The following POLN variants were observed in gnomAD, a reference collection of about 807,000 sequenced individuals.
The protein encoded by POLN is DNA polymerase N.
Under a neutral mutation model 113.5 loss-of-function variants are expected in POLN, and 108 were observed. The ratio of observed to expected loss-of-function variants is 0.95; its 90% CI spans 0.81 to 1.12. The LOEUF is 1.12. POLN is among the 50% of genes most tolerant of loss of function. The pLI is 0.00. For synonymous variants in POLN, 386 were observed against 391.5 expected (o/e 0.99, Z 0.17); for missense variants, 1,097 against 1,077.1 (o/e 1.02, Z -0.26).
At chr4:2,235,764 T>A (rs1018600060) in intron 2 of POLN, among the ~76,000 whole-genome samples, 1 of 152,196 alleles carries the variant, frequency 6.6e-6, no homozygotes, top group Non-Finnish European at 1.5e-5. Context: ...TATATGTGTG[T>A]ATGTGTGTGC....
intron 23 of POLN, chr4:2,080,258 C>T: frequency 2.0e-6 from 2 of 987,508 alleles, no homozygotes; most frequent in Non-Finnish European, 2.4e-6. Context: ...TGGGCGAGGG[C>T]TGCTTGTCCC....
At chr4:2,116,259 C>T (rs761577155) in intron 19 of POLN, among the ~76,000 whole-genome samples, 2 of 152,192 alleles carry the variant, frequency 1.3e-5, no homozygotes, top group African/African-American at 2.4e-5. Flanking sequence ...TCTGTCACAC[C>T]AACCCACATG....
At chr4:2,139,451 A>T (rs1731942527) in intron 16 of POLN, among the ~76,000 whole-genome samples, 1 of 152,198 alleles carries the variant, frequency 6.6e-6, no homozygotes, top group African/African-American at 2.4e-5. Context: ...TGAATAGAAG[A>T]GAAAATAGCA....
chr4:2,193,499 CAG>C (rs1733503998), intron 6 of POLN, among the ~76,000 whole-genome samples, 183 bp from the exon 7 acceptor site: 1 of 152,116 alleles, frequency 6.6e-6, no homozygotes. Flanking sequence ...AAGTGAGACA[CAG>C]AGAGACGAGA....
chr4:2,118,350 A>G (rs546307177), intron 19 of POLN, among the ~76,000 whole-genome samples: 1 of 152,274 alleles, frequency 6.6e-6, no homozygotes, highest in Non-Finnish European at 1.5e-5. Context: ...GGACATGAGA[A>G]TCATCGATAT....
At chr4:2,147,614 G>C (rs565626780) in intron 16 of POLN, among the ~76,000 whole-genome samples, 4 of 144,052 alleles carry the variant, frequency 2.8e-5, no homozygotes, top group South Asian at 4.6e-4. Flanking sequence ...GACAATTCAA[G>C]AGTAGATCAG....
rs1732925184 is a variant in POLN, at chr4:2,173,765, G to A, written c.1374+190C>T. Among the ~76,000 whole-genome samples, 1 of 152,022 alleles carries A rather than the reference G, an allele frequency of 6.6e-6. No homozygotes were observed. The highest frequency in any genetic ancestry group is 2.4e-5 in the African/African-American group (1 of 41,376). Reference sequence around the variant, plus strand: ...ATTAAAGAACTCCCCGGACACACACGCACTAGATGCTGTTTAGGTCTTTTC... The same window carrying A: ...ATTAAAGAACTCCCCGGACACACACACACTAGATGCTGTTTAGGTCTTTTC... On this transcript the variant is annotated intron_variant, in intron 11 of 25. Coordinates refer to ENST00000511885, the MANE Select transcript of POLN (RefSeq NM_181808.4).
rs773810826 is a variant in POLN, at chr4:2,081,733, C to T, written c.2208G>A (p.Val736=). ...GGGGTCTCCTTCTGCCCATGATGGA[C>T]ACCACACAGCCTGAGTCACACAGAG... is the stretch of plus-strand genomic sequence containing the variant. ...IAQCHQTGCV[V]SIMGRRRPLP... Residue 736 remains valine (V), a synonymous_variant, in exon 22 of 26, where the codon GTG becomes GTA. Transcript: ENST00000511885. 2.5e-6 allele frequency: 4 copies of T among 1,613,958 alleles called. No homozygotes were observed. Among genetic ancestry groups the T allele is most frequent in the Non-Finnish European group, 3.4e-6 (4 of 1,179,894 alleles).
chr4:2,099,211 CTTAA>C (rs1213627447), intron 19 of POLN, among the ~76,000 whole-genome samples: 2 of 152,194 alleles, frequency 1.3e-5, no homozygotes, highest in Admixed American at 1.3e-4. Context: ...CCCCCAACTC[CTTAA>C]TTAGAGGCTA....
At chr4:2,120,513 A>G (rs768634005) in intron 19 of POLN, among the ~76,000 whole-genome samples, 1 of 150,304 alleles carries the variant, frequency 6.7e-6, no homozygotes, top group Non-Finnish European at 1.5e-5. Context: ...TTTTTTTTTG[A>G]GACAGAGTCT....
chr4:2,088,066 A>G (rs1387456319), intron 20 of POLN, among the ~76,000 whole-genome samples: 1 of 152,218 alleles, frequency 6.6e-6, no homozygotes, highest in Non-Finnish European at 1.5e-5. Flanking sequence ...AATGGTTTTT[A>G]AAAATGTATA....
intron 14 of POLN, 125 bp downstream of exon 14, chr4:2,159,030 A>T (rs1273322807): frequency 3.9e-6 from 3 of 765,764 alleles, no homozygotes; most frequent in African/African-American, 1.8e-5. Context: ...ACCTGACAAA[A>T]CTCTATTCCC....
At chr4:2,150,847 T>G (rs752488271) in intron 16 of POLN, among the ~76,000 whole-genome samples, 8 of 152,184 alleles carry the variant, frequency 5.3e-5, no homozygotes, top group Admixed American at 3.9e-4. Flanking sequence ...TAGCTCTAAA[T>G]GTAAAGCCCA....
At chr4:2,156,731 T>C (rs1172459134) in intron 16 of POLN, 57 bp downstream of exon 16, 28 of 1,459,180 alleles carry the variant, frequency 1.9e-5, no homozygotes, top group Middle Eastern at 3.5e-4. Flanking sequence ...GAGAAAAAAC[T>C]TCAATAGCAA....
chr4:2,075,030 G>C (rs975727744), intron 24 of POLN, among the ~76,000 whole-genome samples: 1 of 152,152 alleles, frequency 6.6e-6, no homozygotes, highest in Admixed American at 6.5e-5. Context: ...GGGGGCCTCA[G>C]TGACTCCAAC....
intron 16 of POLN, among the ~76,000 whole-genome samples, chr4:2,152,040 T>C (rs897390065): frequency 6.6e-6 from 1 of 151,076 alleles, no homozygotes; most frequent in Non-Finnish European, 1.5e-5. Flanking sequence ...CTTTCTTCTT[T>C]TTTTTTTTTT....
At chr4:2,102,654 C>T (rs1282354048) in intron 19 of POLN, among the ~76,000 whole-genome samples, 2 of 152,154 alleles carry the variant, frequency 1.3e-5, no homozygotes, top group Admixed American at 6.5e-5. Context: ...ATATGTTGTC[C>T]CAGGGCACAA....
In POLN at chr4:2,128,144, C is replaced by A; in HGVS notation, c.1951G>T (p.Asp651Tyr). ...GAAGTCAGAGTAGAAAATACATCAT[C>A]TCTTTCAGATTCCTGGAATAACTTC... ...LLKLFQESER[D>Y]DVFSTLTSQW... The change falls in exon 19 of 26, where the codon GAT becomes TAT. Residue 651 changes from aspartate to tyrosine, a missense_variant. By Grantham distance (160) the Asp-to-Tyr change is radical. Coordinates refer to ENST00000511885, the MANE Select transcript of POLN (RefSeq NM_181808.4). 6.2e-7 allele frequency: 1 copy of A among 1,608,790 alleles called. No individual in the cohort carries two copies. Among genetic ancestry groups the A allele is most frequent in the East Asian group, 2.2e-5 (1 of 44,860 alleles).
intron 16 of POLN, among the ~76,000 whole-genome samples, chr4:2,149,207 T>C (rs1221192073): frequency 2.0e-5 from 3 of 152,092 alleles, no homozygotes; most frequent in Non-Finnish European, 4.4e-5. Flanking sequence ...GGCAGGAGAA[T>C]TGCTTGCGCC....
Sources: allele counts gnomAD v4.1 joint callset (sites outside exome capture counted in the v4.1 genomes callset), GRCh38; gene constraint gnomAD v4.1.1; transcripts MANE v1.5; gene names NCBI Gene and HGNC (gene_info 2026-07-23, HGNC 2026-07-21).